The following TMEM132C variants were observed in gnomAD, a reference collection of about 807,000 sequenced individuals.
The protein encoded by TMEM132C is protein phosphatase 1, regulatory subunit 152.
A neutral mutation model predicts 61.4 loss-of-function variants in TMEM132C; 29 were observed. The ratio of observed to expected loss-of-function variants is 0.47; its 90% confidence interval spans 0.35 to 0.64. TMEM132C has a LOEUF of 0.64. Ranked by LOEUF, TMEM132C falls within the 30% of genes least tolerant of loss-of-function variation. The pLI is 0.00. For synonymous variants in TMEM132C, 656 were observed against 633.1 expected (o/e 1.04, Z -0.54); for missense variants, 1,408 against 1,476.9 (o/e 0.95, Z 0.76).
At chr12:128,495,244 CT>C (rs1451338855) in intron 2 of TMEM132C, among the ~76,000 whole-genome samples, 1 of 151,938 alleles carries the variant, frequency 6.6e-6, no homozygotes, top group East Asian at 1.9e-4. Flanking sequence ...CTGAGGAGTG[CT>C]TTACTTCCAA....
At chr12:128,410,007 G>T (rs1364178444) in intron 1 of TMEM132C, among the ~76,000 whole-genome samples, 1 of 152,064 alleles carries the variant, frequency 6.6e-6, no homozygotes, top group Non-Finnish European at 1.5e-5. Flanking sequence ...ATATGGTGGG[G>T]CATTGACTCA....
At chr12:128,419,048 A>G (rs902233497) in intron 2 of TMEM132C, among the ~76,000 whole-genome samples, 1 of 152,170 alleles carries the variant, frequency 6.6e-6, no homozygotes, top group Admixed American at 6.6e-5. Flanking sequence ...ATTGTTCTAC[A>G]GCAGTGAATG....
At chr12:128,342,820 G>A (rs534485128) in intron 1 of TMEM132C, among the ~76,000 whole-genome samples, 14 of 152,334 alleles carry the variant, frequency 9.2e-5, no homozygotes, top group African/African-American at 3.4e-4. Context: ...AGTGGGCAGA[G>A]CTTCCCCTCC....
intron 1 of TMEM132C, among the ~76,000 whole-genome samples, chr12:128,290,853 A>C (rs375198299): frequency 3.3e-5 from 5 of 151,818 alleles, no homozygotes; most frequent in Admixed American, 2.6e-4. Flanking sequence ...TTTAACAAAA[A>C]AAAAAAAAAG....
Position 128,373,376 on chromosome 12 carries a change from T to G in TMEM132C, c.86-41356T>G, listed in dbSNP as rs76207646. On this transcript the variant is annotated intron_variant, in intron 1 of 8. Coordinates refer to ENST00000435159, the MANE Select transcript of TMEM132C (RefSeq NM_001136103.3). ...AATTGGATTGCCTCTACCTTCAAGG[T>G]AGCCTGAGAAAGAGAGAAAGTGTTC... is the stretch of plus-strand genomic sequence containing the variant. Among the ~76,000 whole-genome samples the G allele has an allele frequency of 1.9e-3, 295 of 152,326 alleles. 1 individual carries two copies. The highest frequency in any genetic ancestry group is 6.9e-3 in the African/African-American group (287 of 41,556).
In TMEM132C at chr12:128,616,265, C is replaced by A; in HGVS notation, c.1235C>A (p.Thr412Asn). The change falls in exon 4 of 9, where the codon ACC becomes AAC. Residue 412 changes from threonine to asparagine, a missense_variant. Thr to Asn is a moderately conservative substitution (Grantham distance 65). Coordinates refer to ENST00000435159, the MANE Select transcript of TMEM132C (RefSeq NM_001136103.3). Reference protein sequence around the residue: ...TWQVEYPRKGTTDIAVSEIFV... With the variant: ...TWQVEYPRKGNTDIAVSEIFV... ...CAGGTGGAGTACCCACGGAAGGGGA[C>A]CACAGACATCGCCGTGTCCGAGATC... 23 of 1,551,792 alleles carry A rather than the reference C, an allele frequency of 1.5e-5. No individual in the cohort carries two copies. Among genetic ancestry groups the A allele is most frequent in the Non-Finnish European group, 2.0e-5 (23 of 1,147,004 alleles).
rs772076998 is a variant in TMEM132C, at chr12:128,346,391, CT to C, written c.86-68335del. On this transcript the variant is annotated intron_variant, in intron 1 of 8. Transcript: ENST00000435159. ...AGGATTGCCTTGGCTATTTGGGTTC[CT>C]TTTTTGTTCCATATGAATTTTAAAA... 2.8e-4 allele frequency among the ~76,000 whole-genome samples: 43 copies of C among 152,134 alleles called. 1 individual carries two copies. In the East Asian group the frequency reaches 5.6e-3, roughly 20 times the overall value.
intron 1 of TMEM132C, among the ~76,000 whole-genome samples, chr12:128,310,208 A>G (rs1484050866): frequency 6.6e-6 from 1 of 152,226 alleles, no homozygotes; most frequent in African/African-American, 2.4e-5. Flanking sequence ...AATAGTGATG[A>G]TAAACACAAT....
chr12:128,686,448 C>G (rs1954677897), intron 5 of TMEM132C, among the ~76,000 whole-genome samples: 1 of 152,164 alleles, frequency 6.6e-6, no homozygotes, highest in African/African-American at 2.4e-5. Flanking sequence ...TTTTTAATTA[C>G]TGGGCATGGT....
intron 2 of TMEM132C, among the ~76,000 whole-genome samples, chr12:128,437,531 G>C (rs936371687): frequency 6.6e-6 from 1 of 151,982 alleles, no homozygotes; most frequent in East Asian, 1.9e-4. Flanking sequence ...AGGAAGGAAG[G>C]GGGCAAAGAT....
intron 3 of TMEM132C, among the ~76,000 whole-genome samples, chr12:128,604,709 A>T (rs1035177892): frequency 2.7e-5 from 4 of 148,352 alleles, no homozygotes; most frequent in African/African-American, 1.1e-4. Context: ...AGATGGCTAG[A>T]TAGATAAATA....
chr12:128,286,750 A>G (rs1871084922), intron 1 of TMEM132C, among the ~76,000 whole-genome samples: 1 of 152,148 alleles, frequency 6.6e-6, no homozygotes, highest in Admixed American at 6.5e-5. Context: ...ATCCACACAG[A>G]CATTGAAGTT....
At chr12:128,639,205 G>C (rs1954133153) in intron 4 of TMEM132C, among the ~76,000 whole-genome samples, 1 of 150,632 alleles carries the variant, frequency 6.6e-6, no homozygotes, top group Middle Eastern at 3.4e-3. Context: ...GTGGGGTGAT[G>C]ATGATGGTGA....
chr12:128,675,619 C>T (rs1251532528), intron 5 of TMEM132C, among the ~76,000 whole-genome samples: 1 of 152,152 alleles, frequency 6.6e-6, no homozygotes, highest in East Asian at 1.9e-4. Flanking sequence ...TTCAGTCTCT[C>T]TCTCTCTTTC....
At chr12:128,624,138 G>C (rs1156345177) in intron 4 of TMEM132C, among the ~76,000 whole-genome samples, 1 of 152,010 alleles carries the variant, frequency 6.6e-6, no homozygotes, top group Non-Finnish European at 1.5e-5. Context: ...TATAGAAATT[G>C]GGCGCTCAGC....
rs148025334 is a variant in TMEM132C at position 128,390,746 on chromosome 12, A to G, written c.86-23986A>G. Among the ~76,000 whole-genome samples the G allele has an allele frequency of 4.6e-4, 70 of 152,286 alleles. No individual in the cohort carries two copies. The East Asian group carries it at 9.1e-3, about 20-fold the overall frequency. The stretch of plus-strand genomic sequence containing the variant: ...ATGTATAAAGATCCCTCTGTGCTGA[A>G]TGGGGAAATGGGTCACAGCCTGGGA... On this transcript the variant is annotated intron_variant, in intron 1 of 8. Coordinates refer to ENST00000435159, the MANE Select transcript of TMEM132C (RefSeq NM_001136103.3).
At chr12:128,533,926 A>G (rs1873419230) in intron 2 of TMEM132C, among the ~76,000 whole-genome samples, 1 of 149,674 alleles carries the variant, frequency 6.7e-6, no homozygotes, top group Non-Finnish European at 1.5e-5. Flanking sequence ...ACACACACAC[A>G]TGCTCCTCAC....
chr12:128,609,796 C>G (rs147135643), intron 3 of TMEM132C, among the ~76,000 whole-genome samples: 2 of 152,190 alleles, frequency 1.3e-5, no homozygotes, highest in Non-Finnish European at 2.9e-5. Context: ...GCTCCTTAGT[C>G]AGACCTTTGA....
chr12:128,344,692 T>A (rs1033464687), intron 1 of TMEM132C, among the ~76,000 whole-genome samples: 1 of 152,234 alleles, frequency 6.6e-6, no homozygotes, highest in African/African-American at 2.4e-5. Context: ...CTCATTGTAA[T>A]TTCGATTTGC....
Sources: allele counts gnomAD v4.1 joint callset (sites outside exome capture counted in the v4.1 genomes callset), GRCh38; gene constraint gnomAD v4.1.1; transcripts MANE v1.5; gene names NCBI Gene and HGNC (gene_info 2026-07-23, HGNC 2026-07-21).